Variants in R3HCC1 observed in about 807,000 individuals in gnomAD.
The protein encoded by R3HCC1 is R3H and coiled-coil domain-containing protein 1.
Under a neutral mutation model 40.0 loss-of-function variants are expected in R3HCC1, and 32 were observed. The ratio of observed to expected loss-of-function variants is 0.80; its 90% CI spans 0.60 to 1.07. The LOEUF (loss-of-function observed/expected upper bound fraction) is 1.07. Among genes scored for constraint, R3HCC1 ranks in the 50% least tolerant of loss-of-function variants. The pLI is 0.00. For missense variants in R3HCC1, 586 were observed against 563.3 expected (o/e 1.04, Z -0.41); for synonymous variants, 237 against 232.8 (o/e 1.02, Z -0.17).
intron 7 of R3HCC1, among the ~76,000 whole-genome samples, chr8:23,295,086 C>T (rs909340560): frequency 2.6e-5 from 4 of 152,124 alleles, no homozygotes; most frequent in Non-Finnish European, 5.9e-5. Flanking sequence ...GGGCAGGGGT[C>T]TCCCTTGGGG....
intron 4 of R3HCC1, 49 bp downstream of exon 4, chr8:23,290,518 G>A (rs888899466): frequency 6.6e-7 from 1 of 1,503,962 alleles, no homozygotes; most frequent in Non-Finnish European, 8.9e-7. Flanking sequence ...TGAGGTGGGT[G>A]TGGCCGTGGG....
At position 23,293,295 on chromosome 8, in the gene R3HCC1, CCGCA is replaced by C; in HGVS notation, c.1026-6_1026-3del. ...CCTGAATGTGCTGTCTCCTCTCTCG[CCGCA>C]CAGAGAGAAGGGGTTCAGGATTCAG... On this transcript the variant is annotated splice_region_variant and splice_polypyrimidine_tract_variant and intron_variant, in intron 5 of 7. Coordinates refer to ENST00000265806, the MANE Select transcript of R3HCC1 (RefSeq NM_001136108.3). 6.5e-7 allele frequency: 1 copy of C among 1,550,076 alleles called. No individual in the cohort carries two copies. Among genetic ancestry groups the C allele is most frequent in the Non-Finnish European group, 8.7e-7 (1 of 1,145,716 alleles).
rs1350382147 is a variant in R3HCC1 at position 23,295,308 on chromosome 8, T to C, written c.1192+444T>C. ...CAGTGACACTGAGGAAGTCACTCAG[T>C]GTGTGAGTTGGTTTCTTCTTCTGTA... On this transcript the variant is annotated intron_variant, in intron 7 of 7. Coordinates refer to ENST00000265806, the MANE Select transcript of R3HCC1 (RefSeq NM_001136108.3). Among the ~76,000 whole-genome samples, 4 of 152,182 alleles carry C rather than the reference T, an allele frequency of 2.6e-5. No individual in the cohort carries two copies. In the South Asian group the frequency reaches 8.3e-4, roughly 32 times the overall value.
At chr8:23,290,601 A>G in intron 4 of R3HCC1, 132 bp downstream of exon 4, 1 of 1,115,596 alleles carries the variant, frequency 9.0e-7, no homozygotes, top group Non-Finnish European at 1.2e-6. Flanking sequence ...GTGTTGGGTG[A>G]CAGGGATTCC....
At chr8:23,289,513 G>C (rs1017332245) in intron 3 of R3HCC1, among the ~76,000 whole-genome samples, 2 of 152,142 alleles carry the variant, frequency 1.3e-5, no homozygotes, top group South Asian at 4.1e-4. Context: ...TCCCATGTGC[G>C]TCTCAGTGAG....
intron 4 of R3HCC1, chr8:23,290,931 A>G: frequency 4.7e-6 from 1 of 210,562 alleles, no homozygotes; most frequent in Non-Finnish European, 9.6e-6. Flanking sequence ...TTTTATGGCT[A>G]TTTTATACAT....
In R3HCC1 at chr8:23,296,156, C is replaced by T. The variant is rs1289034574; in HGVS notation, c.*59C>T. 5 of 1,507,814 alleles carry T rather than the reference C, an allele frequency of 3.3e-6. No individual in the cohort carries two copies. Among genetic ancestry groups the T allele is most frequent in the African/African-American group, 1.4e-5 (1 of 71,704 alleles). 93.4% of individuals were successfully genotyped at this position (1,507,814 alleles called of 1,614,324 possible). A position where few individuals can be genotyped will look rare whatever the true frequency, so the allele number is the denominator to read the frequency against. ...CCGACGTAGCTGGCGCCCCCAACAC[C>T]ATAAGCCTTCACAGACGCCAGAGCA... On this transcript the variant is annotated 3_prime_UTR_variant, in exon 8 of 8. Coordinates refer to ENST00000265806, the MANE Select transcript of R3HCC1 (RefSeq NM_001136108.3).
chr8:23,295,768 A>G, intron 7 of R3HCC1, 199 bp from the exon 8 acceptor site: 1 of 728,388 alleles, frequency 1.4e-6, no homozygotes, highest in East Asian at 2.8e-5. Context: ...AGTTTGGGTC[A>G]GCATCCCCTG....
chr8:23,291,052 A>G (rs1802856953), intron 4 of R3HCC1: 1 of 247,692 alleles, frequency 4.0e-6, no homozygotes, highest in Admixed American at 4.8e-5. Context: ...GGGAAAAATT[A>G]CTTAACTCTT....
Position 23,289,020 on chromosome 8 carries a change from C to G in R3HCC1, c.115C>G (p.Leu39Val). Reference sequence around the variant, plus strand: ...CTTCTTCCCCTCCCTCCCCAGGGTTCTTCTTTTCCCCCCACTCTCCAGTCG... The same window carrying G: ...CTTCTTCCCCTCCCTCCCCAGGGTTGTTCTTTTCCCCCCACTCTCCAGTCG... The change falls in exon 3 of 8, where the codon CTT (leucine) becomes GTT (valine). Residue 39 changes from leucine (L) to valine (V), a missense_variant. By Grantham distance (32) the Leu-to-Val change is conservative. Coordinates refer to ENST00000265806, the MANE Select transcript of R3HCC1 (RefSeq NM_001136108.3). 6.5e-7 allele frequency: 1 copy of G among 1,536,578 alleles called. No homozygotes were observed.
Position 23,288,456 on chromosome 8 carries a change from G to T in R3HCC1, c.-18-50G>T, listed in dbSNP as rs1211323331. The T allele has an allele frequency of 3.3e-6, 5 of 1,526,762 alleles. No homozygotes were observed. In the East Asian group the frequency reaches 9.9e-5, roughly 30 times the overall value. The allele number at this position is 1,526,762 out of a possible 1,614,324, so 94.6% of individuals were successfully genotyped here. On this transcript the variant is annotated intron_variant, in intron 1 of 7. Coordinates refer to ENST00000265806, the MANE Select transcript of R3HCC1 (RefSeq NM_001136108.3). ...GTGCCGGCGTTGCGGGGTCGCGGGAGATCCGGGGGTCTGTGCTCTGATTCC... is the reference window on the plus strand; with the variant it reads ...GTGCCGGCGTTGCGGGGTCGCGGGATATCCGGGGGTCTGTGCTCTGATTCC...
Position 23,288,174 on chromosome 8 carries a change from T to G in R3HCC1, c.-19+17T>G. 1 of 1,211,236 alleles carries G rather than the reference T, an allele frequency of 8.3e-7. No individual in the cohort carries two copies. Among genetic ancestry groups the G allele is most frequent in the Non-Finnish European group, 1.0e-6 (1 of 957,074 alleles). The allele number at this position is 1,211,236 out of a possible 1,614,324, so 75.0% of individuals were successfully genotyped here. A position where few individuals can be genotyped will look rare whatever the true frequency, so the allele number is the denominator to read the frequency against. On this transcript the variant is annotated intron_variant, in intron 1 of 7. Coordinates refer to ENST00000265806, the MANE Select transcript of R3HCC1 (RefSeq NM_001136108.3). ...GAGGCCGCGGTGAGTGCAGCAGCAC[T>G]GGGGGGGTGGTCGTCCCGACCCCCG...
chr8:23,294,963 G>GTCTTCCCCTCTGTTAAT lies in R3HCC1; in HGVS notation c.1192+107_1192+123dup, dbSNP rs1802965484. 42 of 904,136 alleles carry GTCTTCCCCTCTGTTAAT rather than the reference G, an allele frequency of 4.6e-5. No homozygotes were observed. The South Asian group carries it at 5.3e-4, about 11-fold the overall frequency. The allele number at this position is 904,136 out of a possible 1,614,324, so 56.0% of individuals were successfully genotyped here. A position where few individuals can be genotyped will look rare whatever the true frequency, so the allele number is the denominator to read the frequency against. On this transcript the variant is annotated intron_variant, in intron 7 of 7. Coordinates refer to ENST00000265806, the MANE Select transcript of R3HCC1 (RefSeq NM_001136108.3). ...TGTGTGTGTGTCTGGTTTGGGCAGG[G>GTCTTCCCCTCTGTTAAT]TCTTCCCCTCTGTTAATTCTTCCCG...
At chr8:23,291,628 T>A in intron 5 of R3HCC1, 95 bp downstream of exon 5, 6 of 1,499,984 alleles carry the variant, frequency 4.0e-6, no homozygotes, top group Non-Finnish European at 5.4e-6. Context: ...CAGTGCCTAA[T>A]GCTTCAGCAA....
At chr8:23,291,986 A>T (rs1050937503) in intron 5 of R3HCC1, among the ~76,000 whole-genome samples, 1 of 152,172 alleles carries the variant, frequency 6.6e-6, no homozygotes, top group African/African-American at 2.4e-5. Flanking sequence ...CAGAGGCTGT[A>T]TTGAGAGACA....
chr8:23,288,289 C>T (rs1325069988), intron 1 of R3HCC1, 132 bp downstream of exon 1: 3 of 1,115,708 alleles, frequency 2.7e-6, no homozygotes, highest in South Asian at 1.6e-5. Flanking sequence ...TGGAGCCACC[C>T]TCAGCATCCG....
intron 2 of R3HCC1, 42 bp downstream of exon 2, chr8:23,288,675 G>T: frequency 6.5e-7 from 1 of 1,529,576 alleles, no homozygotes; most frequent in Non-Finnish European, 8.8e-7. Flanking sequence ...TTGCTGGGAA[G>T]GGCAGGGTTC....
Position 23,293,379 on chromosome 8 carries a change from G to T in R3HCC1, c.1096+6G>T. ...CTTTCCCTGCCTGGCCTCAGGTAAG[G>T]CACCCCCAGTGGGCCCAGCCCTTGC... is the stretch of plus-strand genomic sequence containing the variant. On this transcript the variant is annotated splice_donor_region_variant and intron_variant, in intron 6 of 7. Transcript: ENST00000265806. 6.5e-7 allele frequency: 1 copy of T among 1,550,076 alleles called. No individual in the cohort carries two copies. Among genetic ancestry groups the T allele is most frequent in the Non-Finnish European group, 8.7e-7 (1 of 1,145,846 alleles).
In R3HCC1 at chr8:23,290,045, T is replaced by C. The variant is rs1317739803; in HGVS notation, c.428T>C (p.Leu143Pro). The C allele has an allele frequency of 2.6e-6, 4 of 1,545,118 alleles. No individual in the cohort carries two copies. In the South Asian group the frequency reaches 4.8e-5, roughly 18 times the overall value. The stretch of plus-strand genomic sequence containing the variant: ...CAGCCTTTGTATGTGCCCCGGGTGC[T>C]GCGCAGGCAGGAAGAATGGGGGCTG... The change falls in exon 4 of 8, where the codon CTG becomes CCG. Residue 143 changes from leucine to proline, a missense_variant. Leu to Pro is a moderately conservative substitution (Grantham distance 98). Coordinates refer to ENST00000265806, the MANE Select transcript of R3HCC1 (RefSeq NM_001136108.3).
Sources: gnomAD v4.1 joint callset for allele counts (sites outside exome capture counted in the v4.1 genomes callset) on GRCh38, gnomAD v4.1.1 for gene constraint, MANE v1.5 for transcripts, NCBI Gene and HGNC (gene_info 2026-07-23, HGNC 2026-07-21) for gene names.